The following FBLN1 variants were observed in gnomAD, a reference collection of about 807,000 sequenced individuals.
FBLN1 encodes the protein fibulin 1.
Under a neutral mutation model 89.7 loss-of-function variants are expected in FBLN1, and 34 were observed. The ratio of observed to expected loss-of-function variants is 0.38; its 90% CI spans 0.29 to 0.50. The LOEUF is 0.50. Among genes scored for constraint, FBLN1 ranks in the 20% least tolerant of loss-of-function variants. The pLI, the probability that FBLN1 is intolerant of heterozygous loss-of-function variation, is 0.92. For synonymous variants in FBLN1, 393 were observed against 391.3 expected, an observed-to-expected ratio of 1.00 and a Z score of -0.05; for missense variants, 777 against 988.1, an observed-to-expected ratio of 0.79 and a Z score of 2.86.
chr22:45,511,291 A>AT (rs2088097066), intron 1 of FBLN1, among the ~76,000 whole-genome samples: 1 of 151,010 alleles, frequency 6.6e-6, no homozygotes, highest in Admixed American at 6.6e-5. Flanking sequence ...AGTAGCTGGG[A>AT]TTACAGGCAT....
intron 16 of FBLN1, among the ~76,000 whole-genome samples, chr22:45,600,058 A>C (rs1360499645): frequency 2.0e-5 from 3 of 152,270 alleles, no homozygotes; most frequent in Admixed American, 2.0e-4. Flanking sequence ...TGGGCAGTGC[A>C]TGATGGAAAG....
intron 1 of FBLN1, among the ~76,000 whole-genome samples, chr22:45,512,689 T>G: frequency 6.6e-6 from 1 of 152,154 alleles, no homozygotes; most frequent in Admixed American, 6.5e-5. Flanking sequence ...CCCAGGCCCT[T>G]CCCCACTCCC....
chr22:45,527,255 G>A (rs2088341426), intron 3 of FBLN1, among the ~76,000 whole-genome samples: 1 of 152,224 alleles, frequency 6.6e-6, no homozygotes, highest in Non-Finnish European at 1.5e-5. Flanking sequence ...TGAGGCCACA[G>A]GGACTTGGAA....
chr22:45,568,204 A>C (rs1165272102), intron 14 of FBLN1, among the ~76,000 whole-genome samples: 1 of 152,254 alleles, frequency 6.6e-6, no homozygotes, highest in Non-Finnish European at 1.5e-5. Flanking sequence ...CAGGAAAACT[A>C]GTTTCCTTTA....
Position 45,518,768 on chromosome 22 carries a change from A to G in FBLN1, c.166A>G (p.Thr56Ala), listed in dbSNP as rs2088206189. 9 of 1,611,168 alleles carry G rather than the reference A, an allele frequency of 5.6e-6. No homozygotes were observed. The highest frequency in any genetic ancestry group is 2.7e-5 in the African/African-American group (2 of 74,862). Reference sequence around the variant, plus strand: ...GAAGGACTGCTCGCTGCCATATGCTACGGAATCCAAAGAATGCAGGTACGT... The same window carrying G: ...GAAGGACTGCTCGCTGCCATATGCTGCGGAATCCAAAGAATGCAGGTACGT... Reference protein sequence around the residue: ...HQKDCSLPYATESKECRMVQE... With the variant: ...HQKDCSLPYAAESKECRMVQE... The change falls in exon 2 of 17, where the codon ACG becomes GCG. Residue 56 changes from threonine (T) to alanine (A), a missense_variant. By Grantham distance (58) the Thr-to-Ala change is moderately conservative. Transcript: ENST00000327858.
At chr22:45,517,381 G>A in intron 1 of FBLN1, 1 of 347,518 alleles carries the variant, frequency 2.9e-6, no homozygotes, top group South Asian at 2.1e-5. Flanking sequence ...CTGGCACCCG[G>A]CCGCTCCTCC....
At position 45,535,314 on chromosome 22, in the gene FBLN1, A is replaced by T; in HGVS notation, c.899A>T (p.Gln300Leu). Reference sequence around the variant, plus strand: ...CTACAGTGCAAGAGTGGCTTTATACAAGATGCTCTAGGCAACTGTATTGGT... The same window carrying T: ...CTACAGTGCAAGAGTGGCTTTATACTAGATGCTCTAGGCAACTGTATTGGT... ...PKLQCKSGFI[Q>L]DALGNCIDIN... is the part of the protein sequence containing the mutation. Residue 300 changes from glutamine to leucine, a missense_variant, in exon 8 of 17, where the codon CAA becomes CTA. By Grantham distance (113) the Gln-to-Leu change is moderately radical. Transcript: ENST00000327858. 6.2e-7 allele frequency: 1 copy of T among 1,614,224 alleles called. No homozygotes were observed. Among genetic ancestry groups the T allele is most frequent in the South Asian group, 1.1e-5 (1 of 91,084 alleles).
chr22:45,596,757 A>C (rs2089190355), intron 16 of FBLN1, among the ~76,000 whole-genome samples: 1 of 147,550 alleles, frequency 6.8e-6, no homozygotes, highest in Admixed American at 6.8e-5. Context: ...TTTTATATGA[A>C]CAAATATGGA....
rs561411195 is a variant in FBLN1 at position 45,509,617 on chromosome 22, C to A, written c.79+6553C>A. ...AATCTGGCTGGACCCCTGGTGGCTT[C>A]CCAGACAACATAGTAAAACTCCGTC... On this transcript the variant is annotated intron_variant, in intron 1 of 16. Coordinates refer to ENST00000327858, the MANE Select transcript of FBLN1 (RefSeq NM_006486.3). Among the ~76,000 whole-genome samples the A allele has an allele frequency of 6.6e-5, 10 of 152,262 alleles. No homozygotes were observed. The East Asian group carries it at 1.9e-3, about 29-fold the overall frequency.
rs568134081 is a variant in FBLN1, at chr22:45,527,132, C to T, written c.322-715C>T. ...TGAGGCAAAGCTACACCTCCTGGCTCCTGCTGGGGACTGTTTAGAAAGTTC... is the reference window on the plus strand; with the variant it reads ...TGAGGCAAAGCTACACCTCCTGGCTTCTGCTGGGGACTGTTTAGAAAGTTC... On this transcript the variant is annotated intron_variant, in intron 3 of 16. Coordinates refer to ENST00000327858, the MANE Select transcript of FBLN1 (RefSeq NM_006486.3). Among the ~76,000 whole-genome samples, 50 of 152,320 alleles carry T rather than the reference C, an allele frequency of 3.3e-4. 1 individual carries two copies. In the East Asian group the frequency reaches 9.6e-3, roughly 29 times the overall value.
intron 14 of FBLN1, among the ~76,000 whole-genome samples, chr22:45,570,184 G>T (rs182336359): frequency 1.3e-5 from 2 of 151,648 alleles, no homozygotes; most frequent in Admixed American, 1.3e-4. Context: ...GCCAGGCATG[G>T]TGGCAGGTGC....
chr22:45,600,336 G>A lies in FBLN1; in HGVS notation c.2002G>A (p.Gly668Ser), dbSNP rs1601552133. The A allele has an allele frequency of 6.2e-7, 1 of 1,614,158 alleles. No individual in the cohort carries two copies. Among genetic ancestry groups the A allele is most frequent in the East Asian group, 2.2e-5 (1 of 44,874 alleles). Residue 668 changes from glycine (G) to serine (S), a missense_variant, in exon 17 of 17, where the codon GGC becomes AGC. Gly to Ser is a moderately conservative substitution (Grantham distance 56). Transcript: ENST00000327858. Reference protein sequence around the residue: ...GVVRQVRPIVGPFHAVLKLEM... With the variant: ...GVVRQVRPIVSPFHAVLKLEM... The stretch of plus-strand genomic sequence containing the variant: ...CGTGCGCCAGGTGCGGCCCATCGTG[G>A]GCCCATTTCATGCCGTCCTGAAGCT...
intron 14 of FBLN1, among the ~76,000 whole-genome samples, chr22:45,552,311 A>C (rs2088714495): frequency 6.6e-6 from 1 of 152,146 alleles, no homozygotes; most frequent in African/African-American, 2.4e-5. Flanking sequence ...GAGTATGGAC[A>C]CATGTGCGGT....
rs569692538 is a variant in FBLN1 at position 45,588,948 on chromosome 22, G to A, written c.1973-11359G>A. On this transcript the variant is annotated intron_variant, in intron 16 of 16. Coordinates refer to ENST00000327858, the MANE Select transcript of FBLN1 (RefSeq NM_006486.3). This position sits in a 1 kb window ranked among gnomAD's most constrained non-coding sequence, Gnocchi z 5.1. ...GGGAGGATGTCAGGTGCTTCCAGGC[G>A]GACTCTGCTAGGAACATTCCATCTG... Among the ~76,000 whole-genome samples the A allele has an allele frequency of 1.3e-5, 2 of 151,816 alleles. No homozygotes were observed. Among genetic ancestry groups the A allele is most frequent in the African/African-American group, 4.8e-5 (2 of 41,430 alleles).
At chr22:45,523,291 A>G (rs2088275827) in intron 2 of FBLN1, 3 of 601,376 alleles carry the variant, frequency 5.0e-6, no homozygotes, top group Admixed American at 2.5e-5. Context: ...AAGGGTAACC[A>G]GGTGGCTGAG....
At chr22:45,524,068 G>T (rs2088287523) in intron 2 of FBLN1, among the ~76,000 whole-genome samples, 1 of 152,238 alleles carries the variant, frequency 6.6e-6, no homozygotes, top group Non-Finnish European at 1.5e-5. Flanking sequence ...ATGTGTGCTA[G>T]CTCAGCTCGG....
rs538361012 is a variant in FBLN1 at position 45,591,248 on chromosome 22, T to C, written c.1973-9059T>C. ...ACACAGAGCCAAATTTTCTCCCCGG[T>C]GAGCCCCCACTGCCTGCGTTTGCGA... On this transcript the variant is annotated intron_variant, in intron 16 of 16. Transcript: ENST00000327858. Among the ~76,000 whole-genome samples the C allele has an allele frequency of 1.5e-4, 23 of 152,246 alleles. 1 individual carries two copies. The South Asian group carries it at 4.6e-3, about 30-fold the overall frequency.
Position 45,532,970 on chromosome 22 carries a change from G to T in FBLN1, c.545-93G>T. 1 of 1,181,930 alleles carries T rather than the reference G, an allele frequency of 8.5e-7. No homozygotes were observed. The highest frequency in any genetic ancestry group is 2.4e-5 in the East Asian group (1 of 41,344). The allele number at this position is 1,181,930 out of a possible 1,614,324, so 73.2% of individuals were successfully genotyped here. On this transcript the variant is annotated intron_variant, in intron 5 of 16. Coordinates refer to ENST00000327858, the MANE Select transcript of FBLN1 (RefSeq NM_006486.3). This position sits in a 1 kb window ranked among gnomAD's most constrained non-coding sequence, Gnocchi z 4.2. The stretch of plus-strand genomic sequence containing the variant: ...CTGCCTTCCTGGGTTCGTCTGCCCA[G>T]AGGGCGTTTTCTATGACCCAGCCTG...
chr22:45,548,875 G>A, intron 13 of FBLN1, 131 bp downstream of exon 13: 1 of 1,428,932 alleles, frequency 7.0e-7, no homozygotes, highest in Non-Finnish European at 9.5e-7. Flanking sequence ...ATGCATTCAG[G>A]AAAAGGAGGC....
Sources: allele counts gnomAD v4.1 joint callset (sites outside exome capture counted in the v4.1 genomes callset), GRCh38; gene constraint gnomAD v4.1.1; non-coding constraint Gnocchi (gnomAD v3.1); transcripts MANE v1.5; gene names NCBI Gene and HGNC (gene_info 2026-07-23, HGNC 2026-07-21).